Variants in FCGR2B observed in about 807,000 individuals in gnomAD.
FCGR2B encodes low affinity immunoglobulin gamma Fc region receptor II-b.
A neutral mutation model predicts 24.8 loss-of-function variants in FCGR2B; 18 were observed. That is an observed-to-expected ratio of 0.73 (90% CI 0.50 to 1.08). The LOEUF (loss-of-function observed/expected upper bound fraction) is 1.08, where lower values mean the gene tolerates loss of function less well. Among genes scored for constraint, FCGR2B ranks in the 50% least tolerant of loss-of-function variants. The pLI is 0.00. For synonymous variants in FCGR2B, 79 were observed against 109.8 expected, an observed-to-expected ratio of 0.72 and a Z score of 1.75; for missense variants, 215 against 297.6, an observed-to-expected ratio of 0.72 and a Z score of 2.04.
At chr1:161,653,405 CAATAAATA>C in the FCGR2B span, among the ~76,000 whole-genome samples, 5 of 107,558 alleles carry the variant, frequency 4.6e-5, no homozygotes, top group African/African-American at 6.3e-5. Flanking sequence ...GACTCCATCT[CAATAAATA>C]AATAAATAAA....
chr1:161,671,320 G>T, intron 2 of FCGR2B, 72 bp from the exon 3 acceptor site: 1 of 1,608,172 alleles, frequency 6.2e-7, no homozygotes, highest in Admixed American at 1.7e-5. Flanking sequence ...GTGCTTTTTT[G>T]TCTGAGATTC....
chr1:161,677,324 A>G lies in FCGR2B; in HGVS notation c.818-4A>G, dbSNP rs1226449970. On this transcript the variant is annotated splice_polypyrimidine_tract_variant and splice_region_variant and intron_variant, in intron 6 of 7. Coordinates refer to ENST00000358671, the MANE Select transcript of FCGR2B (RefSeq NM_001394477.1). Reference sequence around the variant, plus strand: ...CTGGCTGATATTTCTTCTTTTTCCCACAGCCAATCCCACTAATCCTGATGA... The same window carrying G: ...CTGGCTGATATTTCTTCTTTTTCCCGCAGCCAATCCCACTAATCCTGATGA... 1 of 1,613,578 alleles carries G rather than the reference A, an allele frequency of 6.2e-7. No individual in the cohort carries two copies. Among genetic ancestry groups the G allele is most frequent in the Non-Finnish European group, 8.5e-7 (1 of 1,179,780 alleles).
At chr1:161,652,579 C>T in the FCGR2B span, among the ~76,000 whole-genome samples, 1 of 134,854 alleles carries the variant, frequency 7.4e-6, no homozygotes, top group Non-Finnish European at 1.7e-5. Context: ...TTAAAATTCC[C>T]TATTTGATAG....
At position 161,675,310 on chromosome 1, in the gene FCGR2B, C is replaced by A. The variant is rs1682024705; in HGVS notation, c.814C>A (p.Pro272Thr). 1 of 1,595,420 alleles carries A rather than the reference C, an allele frequency of 6.3e-7. No homozygotes were observed. The highest frequency in any genetic ancestry group is 8.5e-7 in the Non-Finnish European group (1 of 1,169,740). Residue 272 changes from proline (P) to threonine (T), a missense_variant, in exon 6 of 8, where the codon CCA becomes ACA. Transcript: ENST00000358671. Reference sequence around the variant, plus strand: ...AATGGGAGAGACCCTCCCTGAGAAACCAGGTGAGTACAGGTTGTCTCAGGG... The same window carrying A: ...AATGGGAGAGACCCTCCCTGAGAAAACAGGTGAGTACAGGTTGTCTCAGGG... ...REMGETLPEK[P>T]ANPTNPDEAD...
the FCGR2B span, among the ~76,000 whole-genome samples, chr1:161,655,137 G>A: frequency 6.6e-6 from 1 of 150,450 alleles, no homozygotes; most frequent in Non-Finnish European, 1.5e-5. Flanking sequence ...GTGTCCTTGA[G>A]GTCGGCACTG....
the FCGR2B span, among the ~76,000 whole-genome samples, chr1:161,653,341 G>A: frequency 4.5e-5 from 6 of 132,498 alleles, 1 homozygote; most frequent in Non-Finnish European, 8.5e-5. Flanking sequence ...GGGAGGCAGA[G>A]TTTGCAGTGA....
At chr1:161,677,271 C>T (rs1682227857) in intron 6 of FCGR2B, 57 bp from the exon 7 acceptor site, 74 of 1,557,492 alleles carry the variant, frequency 4.8e-5, no homozygotes, top group Non-Finnish European at 6.6e-5. Flanking sequence ...AGCATCAGCA[C>T]AGGCAGGCCC....
chr1:161,647,889 C>A, the FCGR2B span, among the ~76,000 whole-genome samples: 3 of 151,066 alleles, frequency 2.0e-5, no homozygotes, highest in South Asian at 4.2e-4. Context: ...TGGGGCATGT[C>A]CTTGTGAAAG....
intron 6 of FCGR2B, 169 bp from the exon 7 acceptor site, chr1:161,677,159 C>G (rs1433122464): frequency 4.4e-6 from 3 of 684,992 alleles, no homozygotes; most frequent in Non-Finnish European, 7.7e-6. Context: ...CCCTATGCAT[C>G]GATCAATGAG....
chr1:161,649,662 G>C, the FCGR2B span, among the ~76,000 whole-genome samples: 1 of 150,320 alleles, frequency 6.7e-6, no homozygotes, highest in East Asian at 1.9e-4. Flanking sequence ...AAGAAGCAGA[G>C]AGCGACCTCT....
At chr1:161,670,904 G>A (rs1159157351) in intron 2 of FCGR2B, among the ~76,000 whole-genome samples, 4 of 148,414 alleles carry the variant, frequency 2.7e-5, no homozygotes, top group South Asian at 4.5e-4. Context: ...AGGTCAGAAC[G>A]GAAACCTGAT....
Position 161,671,550 on chromosome 1 carries a change from A to C in FCGR2B, c.292A>C (p.Ser98Arg). Reference protein sequence around the residue: ...GNLIPTHTQPSYRFKANNNDS... With the variant: ...GNLIPTHTQPRYRFKANNNDS... ...TCTCATTCCCACCCACACGCAGCCC[A>C]GCTACAGGTTCAAGGCCAACAACAA... The change falls in exon 3 of 8, where the codon AGC (serine) becomes CGC (arginine). Residue 98 changes from serine to arginine, a missense_variant. Coordinates refer to ENST00000358671, the MANE Select transcript of FCGR2B (RefSeq NM_001394477.1). The C allele has an allele frequency of 6.2e-7, 1 of 1,614,190 alleles. No homozygotes were observed. Among genetic ancestry groups the C allele is most frequent in the South Asian group, 1.1e-5 (1 of 91,078 alleles).
the FCGR2B span, among the ~76,000 whole-genome samples, chr1:161,652,982 T>C: frequency 1.5e-5 from 2 of 134,522 alleles, 1 homozygote; most frequent in African/African-American, 5.1e-5. Flanking sequence ...AGTATGTGCC[T>C]GCACCTCAGA....
At chr1:161,677,307 T>G in intron 6 of FCGR2B, 21 bp from the exon 7 acceptor site, 2 of 1,613,034 alleles carry the variant, frequency 1.2e-6, no homozygotes, top group Non-Finnish European at 1.7e-6. Flanking sequence ...CTCTGGCTGA[T>G]ATTTCTTCTT....
the FCGR2B span, among the ~76,000 whole-genome samples, chr1:161,656,257 C>T: frequency 1.4e-5 from 2 of 147,234 alleles, no homozygotes. Flanking sequence ...CTATCTTTCC[C>T]ATTGTAATGA....
chr1:161,676,911 G>C (rs950477118), intron 6 of FCGR2B: 1 of 238,262 alleles, frequency 4.2e-6, no homozygotes, highest in African/African-American at 2.3e-5. Context: ...ACTACATTTA[G>C]ACAATGTGGA....
the FCGR2B span, among the ~76,000 whole-genome samples, chr1:161,654,531 A>T: frequency 7.4e-6 from 1 of 134,306 alleles, no homozygotes; most frequent in South Asian, 2.5e-4. Context: ...CTGCTCCATT[A>T]CCTAGGTATG....
intron 6 of FCGR2B, chr1:161,676,038 G>A (rs947082848): frequency 2.0e-4 from 47 of 231,756 alleles, no homozygotes; most frequent in Admixed American, 2.3e-4. Context: ...AGGTCTTCTA[G>A]ATTTGACATT....
At chr1:161,655,241 C>T in the FCGR2B span, among the ~76,000 whole-genome samples, 1 of 151,328 alleles carries the variant, frequency 6.6e-6, no homozygotes, top group East Asian at 1.9e-4. Flanking sequence ...ACAATCTCTC[C>T]TTGTTCTAAG....
Sources: gnomAD v4.1 joint callset for allele counts (sites outside exome capture counted in the v4.1 genomes callset) on GRCh38, gnomAD v4.1.1 for gene constraint, MANE v1.5 for transcripts, NCBI Gene and HGNC (gene_info 2026-07-23, HGNC 2026-07-21) for gene names.